Variants in NCAM2 observed in about 807,000 individuals in gnomAD.
NCAM2 encodes N-CAM-2.
A neutral mutation model predicts 98.1 loss-of-function variants in NCAM2; 30 were observed. That is an observed-to-expected ratio of 0.31 (90% CI 0.23 to 0.41). NCAM2 has a LOEUF of 0.41. NCAM2 is among the 10% of genes least tolerant of loss of function. The pLI is 1.00. For missense variants in NCAM2, 867 were observed against 1,005.8 expected (o/e 0.86, Z 1.87); for synonymous variants, 368 against 342.4 (o/e 1.07, Z -0.83).
Position 21,045,529 on chromosome 21 carries a change from G to T in NCAM2, c.55+46911G>T, listed in dbSNP as rs7510037. ...ATGGGGATGATGGCCCACACCTGTC[G>T]TCTCACCTACTCGGAAAACTGAGGC... On this transcript the variant is annotated intron_variant, in intron 1 of 17. Transcript: ENST00000400546. Among the ~76,000 whole-genome samples, 1,461 of 152,062 alleles carry T rather than the reference G, an allele frequency of 9.6e-3. 20 individuals are homozygous for T. Among genetic ancestry groups the T allele is most frequent in the African/African-American group, 0.034 (1,403 of 41,474 alleles).
chr21:21,177,996 A>T (rs1266283760), intron 1 of NCAM2, among the ~76,000 whole-genome samples: 2 of 152,118 alleles, frequency 1.3e-5, no homozygotes, highest in African/African-American at 4.8e-5. Flanking sequence ...CAGTTTATAT[A>T]TTTTTATATT....
chr21:21,291,612 C>T (rs2073299099), intron 4 of NCAM2, among the ~76,000 whole-genome samples: 1 of 151,538 alleles, frequency 6.6e-6, no homozygotes, highest in Non-Finnish European at 1.5e-5. Context: ...TTTTTTATAT[C>T]CTTTATATGA....
chr21:21,202,666 G>T (rs997984886), intron 1 of NCAM2, among the ~76,000 whole-genome samples: 5 of 151,758 alleles, frequency 3.3e-5, no homozygotes, highest in Admixed American at 6.6e-5. Flanking sequence ...TCTGCCCACC[G>T]CAGCCTCCCA....
intron 1 of NCAM2, among the ~76,000 whole-genome samples, chr21:21,230,306 C>A (rs1202232507): frequency 6.6e-6 from 1 of 151,010 alleles, no homozygotes; most frequent in African/African-American, 2.4e-5. Context: ...AAATCATTGT[C>A]TCACTTTTTT....
At chr21:21,224,459 G>T (rs2070299566) in intron 1 of NCAM2, among the ~76,000 whole-genome samples, 1 of 151,952 alleles carries the variant, frequency 6.6e-6, no homozygotes, top group Non-Finnish European at 1.5e-5. Flanking sequence ...CTTCACCAAT[G>T]GATTGTTTTA....
At chr21:21,075,025 A>G (rs1401822866) in intron 1 of NCAM2, among the ~76,000 whole-genome samples, 1 of 152,218 alleles carries the variant, frequency 6.6e-6, no homozygotes, top group Non-Finnish European at 1.5e-5. Flanking sequence ...GGATGAGTTC[A>G]TGTCCTTTGC....
intron 1 of NCAM2, among the ~76,000 whole-genome samples, chr21:21,224,541 G>C (rs1416336188): frequency 6.6e-6 from 1 of 152,032 alleles, no homozygotes. Flanking sequence ...TATGTTTTTA[G>C]AGGTAATATA....
chr21:21,241,513 T>A (rs980690131), intron 1 of NCAM2, among the ~76,000 whole-genome samples: 3 of 152,136 alleles, frequency 2.0e-5, no homozygotes, highest in Non-Finnish European at 4.4e-5. Context: ...AAATATGTGA[T>A]GGAGTTCAGG....
At chr21:21,397,046 GT>G in intron 9 of NCAM2, among the ~76,000 whole-genome samples, 1 of 152,192 alleles carries the variant, frequency 6.6e-6, no homozygotes, top group Non-Finnish European at 1.5e-5. Context: ...GAGGAAAGCA[GT>G]TTCATTGAGC....
At chr21:21,537,773 C>T in intron 17 of NCAM2, 73 bp from the exon 18 acceptor site, 1 of 665,874 alleles carries the variant, frequency 1.5e-6, no homozygotes, top group Non-Finnish European at 2.5e-6. Flanking sequence ...CCTTACAAAA[C>T]AGTAACTTAA....
chr21:21,168,149 A>G (rs1358237508), intron 1 of NCAM2, among the ~76,000 whole-genome samples: 2 of 152,114 alleles, frequency 1.3e-5, no homozygotes, highest in African/African-American at 2.4e-5. Context: ...GTCTGGTTCA[A>G]CATTTGAAAA....
Position 21,112,733 on chromosome 21 carries a change from A to G in NCAM2, c.55+114115A>G, listed in dbSNP as rs528591028. On this transcript the variant is annotated intron_variant, in intron 1 of 17. Transcript: ENST00000400546. ...TGGTCAAGCTAAAAGAACAGTGCAG[A>G]TCATAAAGAATGCCCCATAGCAGAT... 1.7e-3 allele frequency among the ~76,000 whole-genome samples: 265 copies of G among 152,314 alleles called. 1 individual carries two copies. The highest frequency in any genetic ancestry group is 5.9e-3 in the African/African-American group (247 of 41,572).
At chr21:21,270,048 G>A (rs2072435635) in intron 1 of NCAM2, among the ~76,000 whole-genome samples, 1 of 152,150 alleles carries the variant, frequency 6.6e-6, no homozygotes, top group Non-Finnish European at 1.5e-5. Flanking sequence ...AGCATCTGGA[G>A]ACTTAGGTAT....
At chr21:21,403,345 A>G (rs2076671924) in intron 9 of NCAM2, among the ~76,000 whole-genome samples, 1 of 152,158 alleles carries the variant, frequency 6.6e-6, no homozygotes, top group Admixed American at 6.5e-5. Flanking sequence ...ATCCACTAGA[A>G]TGTTTCCTGT....
At chr21:21,146,505 G>GTA (rs1425702482) in intron 1 of NCAM2, among the ~76,000 whole-genome samples, 1 of 148,392 alleles carries the variant, frequency 6.7e-6, no homozygotes, top group Non-Finnish European at 1.5e-5. Context: ...ATATATATGT[G>GTA]TATGTGTGTG....
intron 1 of NCAM2, among the ~76,000 whole-genome samples, chr21:21,125,714 T>TATAG (rs1555887746): frequency 2.2e-4 from 29 of 134,404 alleles, no homozygotes; most frequent in African/African-American, 5.4e-4. Flanking sequence ...TATATATATA[T>TATAG]AGAGAGAGAG....
At chr21:21,031,619 C>G (rs1456590153) in intron 1 of NCAM2, among the ~76,000 whole-genome samples, 1 of 152,216 alleles carries the variant, frequency 6.6e-6, no homozygotes, top group Non-Finnish European at 1.5e-5. Context: ...TCTTATAAAG[C>G]TGTAAAGTAT....
intron 9 of NCAM2, 106 bp downstream of exon 9, chr21:21,374,119 T>C (rs2075980261): frequency 3.0e-6 from 3 of 1,007,796 alleles, no homozygotes; most frequent in Non-Finnish European, 4.3e-6. Context: ...ATTTCAGTAC[T>C]TAATGCATAG....
intron 1 of NCAM2, among the ~76,000 whole-genome samples, chr21:21,272,235 A>G (rs1006477575): frequency 6.6e-6 from 1 of 152,146 alleles, no homozygotes; most frequent in Non-Finnish European, 1.5e-5. Context: ...GTGTGCTGCA[A>G]TCAACTTAAA....
Sources: allele counts gnomAD v4.1 joint callset (sites outside exome capture counted in the v4.1 genomes callset), GRCh38; gene constraint gnomAD v4.1.1; transcripts MANE v1.5; gene names NCBI Gene and HGNC (gene_info 2026-07-23, HGNC 2026-07-21).